The following NELL1 variants were observed in gnomAD, a reference collection of about 807,000 sequenced individuals.
NELL1 encodes neural EGFL like 1, also known as protein kinase C-binding protein NELL1.
Under a neutral mutation model 107.4 loss-of-function variants are expected in NELL1, and 76 were observed. The observed-to-expected ratio is 0.71, with a 90% confidence interval of 0.59 to 0.86. The LOEUF (loss-of-function observed/expected upper bound fraction) is 0.86. NELL1 is among the 40% of genes least tolerant of loss of function. The probability of loss-of-function intolerance (pLI) is 0.00; values close to 1 mark genes in which losing one functional copy is unlikely to be tolerated. For missense variants in NELL1, 1,024 were observed against 1,005.5 expected (o/e 1.02, Z -0.25); for synonymous variants, 353 against 341.2 (o/e 1.03, Z -0.38).
At chr11:21,337,776 CT>C (rs1304094897) in intron 14 of NELL1, among the ~76,000 whole-genome samples, 63 of 140,948 alleles carry the variant, frequency 4.5e-4, no homozygotes, top group South Asian at 1.2e-3. Context: ...TTCTTTCTTT[CT>C]TTCTTTCTTT....
chr11:21,358,683 G>C (rs541505211), intron 14 of NELL1, among the ~76,000 whole-genome samples: 117 of 150,534 alleles, frequency 7.8e-4, no homozygotes, highest in African/African-American at 2.8e-3. Context: ...TCCCAAAGTG[G>C]TGGGATTACA....
rs1407730856 is a variant in NELL1, at chr11:21,457,024, A to G, written c.1646-77350A>G. Among the ~76,000 whole-genome samples the G allele has an allele frequency of 5.3e-5, 8 of 152,128 alleles. No homozygotes were observed. In the East Asian group the frequency reaches 1.5e-3, roughly 29 times the overall value. On this transcript the variant is annotated intron_variant, in intron 15 of 19. Transcript: ENST00000357134. ...CACACCACCCTGACATAATACTTCCATTAAAGGTTTGGCAATATAGCTGAG... is the reference window on the plus strand; with the variant it reads ...CACACCACCCTGACATAATACTTCCGTTAAAGGTTTGGCAATATAGCTGAG...
chr11:20,815,912 C>A (rs1857613671), intron 3 of NELL1, among the ~76,000 whole-genome samples: 1 of 152,004 alleles, frequency 6.6e-6, no homozygotes, highest in Non-Finnish European at 1.5e-5. Context: ...GAATGGGGAG[C>A]CCTTTCCCCA....
At chr11:21,261,016 C>CTA (rs1565135211) in intron 14 of NELL1, among the ~76,000 whole-genome samples, 5 of 151,630 alleles carry the variant, frequency 3.3e-5, no homozygotes, top group Admixed American at 3.3e-4. Context: ...ACCCTCTATA[C>CTA]CTTATTGAAT....
chr11:21,123,233 C>A (rs1030226533), intron 13 of NELL1, among the ~76,000 whole-genome samples: 1 of 152,106 alleles, frequency 6.6e-6, no homozygotes, highest in African/African-American at 2.4e-5. Context: ...CAAGATTTAT[C>A]CCCTGAGGCT....
chr11:21,404,501 C>G lies in NELL1; in HGVS notation c.1645+33553C>G, dbSNP rs538061852. Among the ~76,000 whole-genome samples, 7 of 151,972 alleles carry G rather than the reference C, an allele frequency of 4.6e-5. No homozygotes were observed. In the East Asian group the frequency reaches 1.4e-3, roughly 30 times the overall value. On this transcript the variant is annotated intron_variant, in intron 15 of 19. Coordinates refer to ENST00000357134, the MANE Select transcript of NELL1 (RefSeq NM_006157.5). ...ATTTCTAGATTTTGATTTGGGTTCA[C>G]CTAGTCCTGATTTCTCAAAATACAA...
chr11:20,964,320 T>G (rs2134219825), intron 12 of NELL1, among the ~76,000 whole-genome samples: 1 of 152,282 alleles, frequency 6.6e-6, no homozygotes, highest in Middle Eastern at 3.4e-3. Flanking sequence ...TCTCATAAAC[T>G]TTTTCTTTCT....
Position 20,786,971 on chromosome 11 carries a change from G to A in NELL1, c.335+3141G>A, listed in dbSNP as rs867327618. On this transcript the variant is annotated intron_variant, in intron 3 of 19. Transcript: ENST00000357134. ...TGCCGTGAGCCGAGATGGCGCCACT[G>A]CACTCCAGCCTAGGCGAAAGAGCGA... 1.0e-4 allele frequency among the ~76,000 whole-genome samples: 12 copies of A among 116,718 alleles called. No homozygotes were observed. The South Asian group carries it at 2.9e-3, about 28-fold the overall frequency. The allele number at this position is 116,718 out of a possible 152,430, so 76.6% of individuals were successfully genotyped here. A position where few individuals can be genotyped will look rare whatever the true frequency, so the allele number is the denominator to read the frequency against.
At chr11:20,692,264 T>G (rs1405319198) in intron 2 of NELL1, among the ~76,000 whole-genome samples, 1 of 93,342 alleles carries the variant, frequency 1.1e-5, no homozygotes, top group Middle Eastern at 5.6e-3. Flanking sequence ...TTTTGAAGGG[T>G]TTTTTTTTGT....
chr11:21,185,353 T>C (rs1856912561), intron 13 of NELL1, among the ~76,000 whole-genome samples: 1 of 145,898 alleles, frequency 6.9e-6, no homozygotes, highest in Non-Finnish European at 1.5e-5. Context: ...TGGAGCATAG[T>C]GGTGCATCTC....
At chr11:20,801,718 G>A (rs1857284488) in intron 3 of NELL1, among the ~76,000 whole-genome samples, 1 of 152,130 alleles carries the variant, frequency 6.6e-6, no homozygotes, top group Admixed American at 6.5e-5. Context: ...TGAGGTTTTA[G>A]GCTTAAGTCT....
chr11:21,472,833 C>CCTTTCCTTCCCTTCCTCTT (rs1554918903), intron 15 of NELL1, among the ~76,000 whole-genome samples: 4 of 151,858 alleles, frequency 2.6e-5, no homozygotes, highest in Non-Finnish European at 5.9e-5. Flanking sequence ...CCTTCCCTTC[C>CCTTTCCTTCCCTTCCTCTT]CTTTCCTTCC....
intron 15 of NELL1, among the ~76,000 whole-genome samples, chr11:21,502,351 C>A (rs574907561): frequency 6.6e-6 from 1 of 152,224 alleles, no homozygotes; most frequent in Non-Finnish European, 1.5e-5. Context: ...TTTCTGGCTC[C>A]AAAACCCGTG....
chr11:21,208,148 G>A (rs1857428017), intron 13 of NELL1, among the ~76,000 whole-genome samples: 1 of 151,676 alleles, frequency 6.6e-6, no homozygotes, highest in Non-Finnish European at 1.5e-5. Context: ...CTCTAGACTT[G>A]TTCATCTTAC....
chr11:21,290,388 A>AAAATAAATAAAT (rs1554995031), intron 14 of NELL1, among the ~76,000 whole-genome samples: 1 of 107,328 alleles, frequency 9.3e-6, no homozygotes, highest in African/African-American at 3.6e-5. Flanking sequence ...ATAAATAAAT[A>AAAATAAATAAAT]AAATAAATAG....
intron 12 of NELL1, among the ~76,000 whole-genome samples, chr11:20,993,369 G>A (rs945837014): frequency 2.6e-5 from 4 of 152,144 alleles, no homozygotes; most frequent in Non-Finnish European, 5.9e-5. Context: ...TTGACTACAT[G>A]AACACACAGA....
chr11:20,946,380 A>G lies in NELL1; in HGVS notation c.1072-956A>G, dbSNP rs984112669. Among the ~76,000 whole-genome samples the G allele has an allele frequency of 2.0e-5, 3 of 152,236 alleles. No individual in the cohort carries two copies. The East Asian group carries it at 5.8e-4, about 29-fold the overall frequency. ...TTAGATAAAATAAGGAACTCTCAGC[A>G]TTTTTAAAAAAATAGTAATTAATGG... is the stretch of plus-strand genomic sequence containing the variant. On this transcript the variant is annotated intron_variant, in intron 10 of 19. Coordinates refer to ENST00000357134, the MANE Select transcript of NELL1 (RefSeq NM_006157.5).
chr11:21,279,422 A>C (rs556864723), intron 14 of NELL1, among the ~76,000 whole-genome samples: 1 of 152,350 alleles, frequency 6.6e-6, no homozygotes, highest in East Asian at 1.9e-4. Flanking sequence ...ACTGACAAAA[A>C]GCAAATGAAC....
intron 15 of NELL1, among the ~76,000 whole-genome samples, chr11:21,435,406 C>A (rs1012276820): frequency 6.9e-6 from 1 of 144,592 alleles, no homozygotes; most frequent in African/African-American, 2.6e-5. Context: ...TTGTTTTTTA[C>A]CATGAAGAGA....
Sources: allele counts gnomAD v4.1 joint callset (sites outside exome capture counted in the v4.1 genomes callset), GRCh38; gene constraint gnomAD v4.1.1; transcripts MANE v1.5; gene names NCBI Gene and HGNC (gene_info 2026-07-23, HGNC 2026-07-21).